CCNJL: variants seen among roughly 807,000 people sequenced by gnomAD.
The protein encoded by CCNJL is cyclin J like.
Under a neutral mutation model 33.4 loss-of-function variants are expected in CCNJL, and 33 were observed. That is an observed-to-expected ratio of 0.99 (90% CI 0.75 to 1.32). The LOEUF is 1.32. CCNJL is among the 40% of genes most tolerant of loss of function. The probability of loss-of-function intolerance (pLI) is 0.00; values close to 1 mark genes in which losing one functional copy is unlikely to be tolerated. For missense variants in CCNJL, 512 were observed against 499.7 expected (o/e 1.02, Z -0.23); for synonymous variants, 227 against 220.9 (o/e 1.03, Z -0.24).
rs1333920116 is a variant in CCNJL at position 160,312,447 on chromosome 5, G to T, written c.-133C>A. On this transcript the variant is annotated 5_prime_UTR_variant, in exon 1 of 6. Coordinates refer to ENST00000257536, the MANE Select transcript of CCNJL (RefSeq NM_001308173.3). ...CCGTGCCCTCTGGTGCCTGCCGGCG[G>T]TTGGACCCTCGTCCGAGGCGCTCCG... The T allele has an allele frequency of 6.6e-6, 1 of 152,428 alleles. No individual in the cohort carries two copies. Among genetic ancestry groups the T allele is most frequent in the Non-Finnish European group, 1.5e-5 (1 of 68,304 alleles). 9.4% of individuals were successfully genotyped at this position (152,428 alleles called of 1,614,324 possible).
chr5:160,318,025 T>G (rs1209125948), intron 1 of CCNJL, among the ~76,000 whole-genome samples: 3 of 149,714 alleles, frequency 2.0e-5, no homozygotes, highest in Non-Finnish European at 4.5e-5. Flanking sequence ...CTTTTTTTGT[T>G]TTTTTTTTTT....
chr5:160,249,499 A>AT lies in CCNJL; in HGVS notation c.*3878dup, dbSNP rs1316017767. 6.6e-6 allele frequency: 1 copy of AT among 152,192 alleles called. No homozygotes were observed. The highest frequency in any genetic ancestry group is 1.5e-5 in the Non-Finnish European group (1 of 68,038). The allele number at this position is 152,192 out of a possible 1,614,324, so 9.4% of individuals were successfully genotyped here. A position where few individuals can be genotyped will look rare whatever the true frequency, so the allele number is the denominator to read the frequency against. ...CAAGCTGGACCAGGCGTAGTGGCTT[A>AT]TACCTGTAATCTCAGCACTTTGGGA... On this transcript the variant is annotated 3_prime_UTR_variant, in exon 6 of 6. Coordinates refer to ENST00000257536, the MANE Select transcript of CCNJL (RefSeq NM_001308173.3).
intron 3 of CCNJL, among the ~76,000 whole-genome samples, chr5:160,264,458 C>T (rs1761488604): frequency 6.6e-6 from 1 of 152,058 alleles, no homozygotes; most frequent in African/African-American, 2.4e-5. Context: ...TGAGGATGAC[C>T]ATGCATCCAT....
intron 2 of CCNJL, among the ~76,000 whole-genome samples, chr5:160,288,381 C>T (rs1309841642): frequency 1.3e-5 from 2 of 152,102 alleles, no homozygotes; most frequent in Non-Finnish European, 2.9e-5. Context: ...AAATTTATCC[C>T]TGAGGATTTC....
chr5:160,267,595 C>T (rs972746444), intron 3 of CCNJL, among the ~76,000 whole-genome samples: 1 of 152,180 alleles, frequency 6.6e-6, no homozygotes, highest in Non-Finnish European at 1.5e-5. Context: ...CCCCTGCAAT[C>T]CTATAAGCTC....
rs1254712222 is a variant in CCNJL at position 160,251,141 on chromosome 5, T to C, written c.*2237A>G. ...TTGACTTTAAGAAAAGCCTCCATAA[T>C]GTGGGTGGGCCTCATCCAACTGGTA... On this transcript the variant is annotated 3_prime_UTR_variant, in exon 6 of 6. Transcript: ENST00000257536. 1.3e-5 allele frequency: 2 copies of C among 152,260 alleles called. No individual in the cohort carries two copies. Among genetic ancestry groups the C allele is most frequent in the Admixed American group, 6.5e-5 (1 of 15,280 alleles). The allele number at this position is 152,260 out of a possible 1,614,324, so 9.4% of individuals were successfully genotyped here.
intron 2 of CCNJL, among the ~76,000 whole-genome samples, chr5:160,292,958 G>C (rs1001609896): frequency 1.3e-5 from 2 of 152,176 alleles, no homozygotes; most frequent in Non-Finnish European, 2.9e-5. Context: ...TTACAGACAA[G>C]GATGGCTCAG....
intron 2 of CCNJL, among the ~76,000 whole-genome samples, chr5:160,305,303 T>G (rs1273625744): frequency 1.3e-5 from 2 of 152,168 alleles, no homozygotes; most frequent in Admixed American, 1.3e-4. Context: ...TGGGATGAAT[T>G]TCTACCACTA....
At chr5:160,262,577 A>T (rs1561775960) in intron 3 of CCNJL, among the ~76,000 whole-genome samples, 1 of 152,300 alleles carries the variant, frequency 6.6e-6, no homozygotes, top group East Asian at 1.9e-4. Context: ...AGTGCTTCAC[A>T]AGCCCCCGGC....
intron 3 of CCNJL, among the ~76,000 whole-genome samples, chr5:160,280,162 A>AGGTTCTGGCACCAGGC (rs1352973335): frequency 5.9e-5 from 9 of 152,300 alleles, no homozygotes; most frequent in Middle Eastern, 3.4e-3. Flanking sequence ...TTGAGGGCAC[A>AGGTTCTGGCACCAGGC]GGTTCTGGCA....
At position 160,253,226 on chromosome 5, in the gene CCNJL, G is replaced by T; in HGVS notation, c.*152C>A. On this transcript the variant is annotated 3_prime_UTR_variant, in exon 6 of 6. Coordinates refer to ENST00000257536, the MANE Select transcript of CCNJL (RefSeq NM_001308173.3). ...GTATGTTATTGAATGTTTTGCTCTG[G>T]GTCAGTTTTATTTAAAAGGAGCACA... 1.6e-6 allele frequency: 1 copy of T among 619,642 alleles called. No individual in the cohort carries two copies. Among genetic ancestry groups the T allele is most frequent in the Non-Finnish European group, 2.6e-6 (1 of 383,038 alleles). The allele number at this position is 619,642 out of a possible 1,614,324, so 38.4% of individuals were successfully genotyped here.
At chr5:160,331,532 T>G (rs1763608271) in intron 1 of CCNJL, among the ~76,000 whole-genome samples, 1 of 152,192 alleles carries the variant, frequency 6.6e-6, no homozygotes, top group Non-Finnish European at 1.5e-5. Flanking sequence ...CCCGAAGCCC[T>G]GGATCTTATC....
chr5:160,288,827 TC>T (rs1762492143), intron 2 of CCNJL, among the ~76,000 whole-genome samples: 1 of 120,830 alleles, frequency 8.3e-6, no homozygotes, highest in African/African-American at 3.7e-5. Context: ...CGAGACTCTG[TC>T]TAAAAAAAAA....
chr5:160,310,160 A>G (rs1396451321), intron 2 of CCNJL, among the ~76,000 whole-genome samples: 1 of 152,166 alleles, frequency 6.6e-6, no homozygotes, highest in African/African-American at 2.4e-5. Flanking sequence ...TCTATGATAA[A>G]CAAGGAAGCC....
intron 3 of CCNJL, among the ~76,000 whole-genome samples, chr5:160,268,478 T>G (rs1419172327): frequency 6.6e-6 from 1 of 152,220 alleles, no homozygotes; most frequent in Non-Finnish European, 1.5e-5. Flanking sequence ...CTTTGTAAAC[T>G]TGTGCTCAAT....
chr5:160,272,725 C>A (rs1761880508), intron 3 of CCNJL, among the ~76,000 whole-genome samples: 1 of 152,166 alleles, frequency 6.6e-6, no homozygotes, highest in South Asian at 2.1e-4. Context: ...TACGGAAAAA[C>A]GGGTCTCATC....
chr5:160,275,052 T>C lies in CCNJL; in HGVS notation c.280+5473A>G, dbSNP rs537380245. 2.0e-5 allele frequency among the ~76,000 whole-genome samples: 3 copies of C among 151,644 alleles called. No homozygotes were observed. In the South Asian group the frequency reaches 6.3e-4, roughly 32 times the overall value. ...AAATGAAAATAAATTTTCCCAGCTA[T>C]GAAAACACATCTAGGTTTGGAAGGA... On this transcript the variant is annotated intron_variant, in intron 3 of 5. Transcript: ENST00000257536.
chr5:160,259,194 T>C (rs1038365859), intron 4 of CCNJL, among the ~76,000 whole-genome samples: 9 of 152,248 alleles, frequency 5.9e-5, no homozygotes, highest in African/African-American at 2.2e-4. Flanking sequence ...TCATTTGCAA[T>C]GTTTCAGGTT....
intron 3 of CCNJL, among the ~76,000 whole-genome samples, chr5:160,265,318 C>T (rs1761528561): frequency 6.6e-6 from 1 of 152,186 alleles, no homozygotes; most frequent in Admixed American, 6.5e-5. Flanking sequence ...TTTAAAGCCA[C>T]AGCTGGCTAC....
Sources: gnomAD v4.1 joint callset for allele counts (sites outside exome capture counted in the v4.1 genomes callset) on GRCh38, gnomAD v4.1.1 for gene constraint, MANE v1.5 for transcripts, NCBI Gene and HGNC (gene_info 2026-07-23, HGNC 2026-07-21) for gene names.